Variants in PDE4C observed in about 807,000 individuals in gnomAD.
PDE4C encodes 3',5'-cyclic-AMP phosphodiesterase 4C.
Under a neutral mutation model 63.9 loss-of-function variants are expected in PDE4C, and 50 were observed. That is an observed-to-expected ratio of 0.78 (90% CI 0.62 to 0.99). The LOEUF is 0.99. Ranked by LOEUF, PDE4C falls within the 50% of genes least tolerant of loss-of-function variation. The pLI, the probability that PDE4C is intolerant of heterozygous loss-of-function variation, is 0.00. For synonymous variants in PDE4C, 377 were observed against 385.1 expected (o/e 0.98, Z 0.25); for missense variants, 777 against 899.1 (o/e 0.86, Z 1.74).
At chr19:18,249,636 C>T (rs1379954871), upstream of PDE4C, among the ~76,000 whole-genome samples, 1 of 146,024 alleles carries the variant, frequency 6.8e-6, no homozygotes, top group African/African-American at 2.6e-5. Context: ...TACAATGGGG[C>T]GATCTCAGCT....
chr19:18,218,578 T>C, intron 9 of PDE4C, 80 bp from the exon 10 acceptor site: 1 of 1,498,704 alleles, frequency 6.7e-7, no homozygotes, highest in Non-Finnish European at 9.2e-7. Flanking sequence ...TCTTCTGAAC[T>C]CCTATCTATG....
chr19:18,219,362 C>T lies in PDE4C; in HGVS notation c.742G>A (p.Ala248Thr), dbSNP rs765962984. Residue 248 changes from alanine (A) to threonine (T), a missense_variant, in exon 8 of 15, where the codon GCT (alanine) becomes ACT (threonine). Ala to Thr is a moderately conservative substitution (Grantham distance 58, BLOSUM62 0). Coordinates refer to ENST00000262805, the Ensembl canonical transcript of PDE4C. Reference sequence around the variant, plus strand: ...GACATGGGCTGTGGGGCCTCCTCAGCGGTCACCTTGGGCAGCTCCACCTCG... The same window carrying T: ...GACATGGGCTGTGGGGCCTCCTCAGTGGTCACCTTGGGCAGCTCCACCTCG... The T allele has an allele frequency of 6.2e-6, 10 of 1,612,608 alleles. No homozygotes were observed. The highest frequency in any genetic ancestry group is 1.7e-4 in the Middle Eastern group (1 of 5,880).
chr19:18,225,458 C>T (rs1968685443), intron 1 of PDE4C: 1 of 152,346 alleles, frequency 6.6e-6, no homozygotes, highest in Non-Finnish European at 1.5e-5. Context: ...GTCATACCTT[C>T]TCCCTCCAAC....
chr19:18,210,684 C>A (rs1967882053), exon 15 of PDE4C: 1 of 440,752 alleles, frequency 2.3e-6, no homozygotes. Flanking sequence ...GAGAAAGACA[C>A]CAGGGCATCG....
intron 1 of PDE4C, among the ~76,000 whole-genome samples, chr19:18,232,043 A>G (rs919796364): frequency 9.2e-5 from 14 of 152,092 alleles, no homozygotes; most frequent in Non-Finnish European, 1.8e-4. Flanking sequence ...CACTGGAGGC[A>G]GCCTGCCCTG....
At chr19:18,227,765 C>T (rs1968773175), upstream of PDE4C, among the ~76,000 whole-genome samples, 1 of 152,172 alleles carries the variant, frequency 6.6e-6, no homozygotes, top group East Asian at 1.9e-4. Flanking sequence ...CTGGGCCTTC[C>T]CCCCGGGGCG....
chr19:18,236,529 G>A (rs1048919597), upstream of PDE4C, among the ~76,000 whole-genome samples: 3 of 152,124 alleles, frequency 2.0e-5, no homozygotes, highest in Non-Finnish European at 2.9e-5. Context: ...AGGCCCTCAG[G>A]TTAAGTTTAA....
At chr19:18,246,817 C>T (rs1969142859) in intron 1 of PDE4C, among the ~76,000 whole-genome samples, 1 of 152,158 alleles carries the variant, frequency 6.6e-6, no homozygotes, top group Non-Finnish European at 1.5e-5. Flanking sequence ...ACTCCAGCTG[C>T]TCGGGAAGCT....
At chr19:18,211,324 C>G in intron 14 of PDE4C, 48 bp from the exon 15 acceptor site, 1 of 1,457,456 alleles carries the variant, frequency 6.9e-7, no homozygotes, top group Non-Finnish European at 9.2e-7. Context: ...TTACAGTGAA[C>G]CCTAGACTCA....
At chr19:18,238,464 C>G (rs1384615884), upstream of PDE4C, among the ~76,000 whole-genome samples, 2 of 151,802 alleles carry the variant, frequency 1.3e-5, no homozygotes, top group Non-Finnish European at 1.5e-5. Context: ...TCTCGAACTC[C>G]TGACCTCAAG....
rs2148023697 is a variant in PDE4C, at chr19:18,220,131, G to GT, written c.706+94dup. On this transcript the variant is annotated intron_variant, in intron 7 of 14. Coordinates refer to ENST00000262805, the Ensembl canonical transcript of PDE4C. The surrounding 1 kb of genome is among the most constrained non-coding windows in gnomAD (Gnocchi z 5.1). Reference sequence around the variant, plus strand: ...GGGCTGAAGGTGTCTGTGTCTGGCTGTATCTCCCCCAGACTGAGGTCTATC... The same window carrying GT: ...GGGCTGAAGGTGTCTGTGTCTGGCTGTTATCTCCCCCAGACTGAGGTCTATC... 5 of 987,648 alleles carry GT rather than the reference G, an allele frequency of 5.1e-6. No homozygotes were observed. Among genetic ancestry groups the GT allele is most frequent in the Non-Finnish European group, 8.0e-6 (5 of 624,160 alleles). 61.2% of individuals were successfully genotyped at this position (987,648 alleles called of 1,614,324 possible).
At chr19:18,218,917 G>A in intron 9 of PDE4C, 23 bp downstream of exon 9, 1 of 1,568,276 alleles carries the variant, frequency 6.4e-7, no homozygotes, top group Non-Finnish European at 8.8e-7. Context: ...TTTTTCCTTG[G>A]AAGCCAAGGG....
At chr19:18,208,561 G>A (rs745695086), downstream of PDE4C, 20 of 151,220 alleles carry the variant, frequency 1.3e-4, no homozygotes, top group Non-Finnish European at 2.4e-4. Flanking sequence ...GCGCCCAGAT[G>A]CTTGACTTTG....
At chr19:18,250,037 G>GATGA, upstream of PDE4C, 1 of 398,620 alleles carries the variant, frequency 2.5e-6, no homozygotes, top group Non-Finnish European at 4.4e-6. Flanking sequence ...CGAGGCCTTG[G>GATGA]ATGAATGGTA....
At chr19:18,237,444 G>A (rs972496525), upstream of PDE4C, among the ~76,000 whole-genome samples, 20 of 151,940 alleles carry the variant, frequency 1.3e-4, no homozygotes, top group Non-Finnish European at 2.2e-4. Context: ...CCAGCTACTC[G>A]GGAGGCTGAA....
chr19:18,253,106 T>C (rs535824819), upstream of PDE4C, among the ~76,000 whole-genome samples: 3 of 152,182 alleles, frequency 2.0e-5, no homozygotes, highest in South Asian at 6.2e-4. Flanking sequence ...TAGAAGCCCT[T>C]TGGATATGGG....
chr19:18,209,522 T>A (rs1286410710), downstream of PDE4C: 1 of 151,808 alleles, frequency 6.6e-6, no homozygotes, highest in Non-Finnish European at 1.5e-5. Context: ...GTTCTGGGAT[T>A]ACAGGTGTGA....
At position 18,222,092 on chromosome 19, in the gene PDE4C, G is replaced by A. The variant is rs984140698; in HGVS notation, c.338+40C>T. 4 of 1,530,854 alleles carry A rather than the reference G, an allele frequency of 2.6e-6. No individual in the cohort carries two copies. The South Asian group carries it at 4.7e-5, about 18-fold the overall frequency. 94.8% of individuals were successfully genotyped at this position (1,530,854 alleles called of 1,614,324 possible). A position where few individuals can be genotyped will look rare whatever the true frequency, so the allele number is the denominator to read the frequency against. The stretch of plus-strand genomic sequence containing the variant: ...TGAATAGAGGAACAAAGGAAGGAGG[G>A]AGGGTAGAGGCGGTGTCATCCCACC... On this transcript the variant is annotated intron_variant, in intron 2 of 14. Transcript: ENST00000262805.
At chr19:18,219,363 G>A (rs753466745) in exon 8 of PDE4C, 11 of 1,612,430 alleles carry the variant, frequency 6.8e-6, no homozygotes, top group East Asian at 4.5e-5. Flanking sequence ...CCTCCTCAGC[G>A]GTCACCTTGG....
Sources: allele counts gnomAD v4.1 joint callset (sites outside exome capture counted in the v4.1 genomes callset), GRCh38; gene constraint gnomAD v4.1.1; non-coding constraint Gnocchi (gnomAD v3.1); transcripts MANE v1.5; gene names NCBI Gene and HGNC (gene_info 2026-07-23, HGNC 2026-07-21).